The following PIK3C2G variants were observed in gnomAD, a reference collection of about 807,000 sequenced individuals.
PIK3C2G encodes the protein phosphatidylinositol-4-phosphate 3-kinase catalytic subunit type 2 gamma, also known as phosphatidylinositol 3-kinase C2 domain-containing subunit gamma.
In PIK3C2G, 168 loss-of-function variants were observed where a neutral mutation model predicts 181.1. That is an observed-to-expected ratio of 0.93 (90% CI 0.82 to 1.05). The LOEUF (loss-of-function observed/expected upper bound fraction) is 1.05, where lower values mean the gene tolerates loss of function less well. PIK3C2G is among the 50% of genes least tolerant of loss of function. The pLI, the probability that PIK3C2G is intolerant of heterozygous loss-of-function variation, is 0.00. For synonymous variants in PIK3C2G, 573 were observed against 592.2 expected (o/e 0.97, Z 0.47); for missense variants, 1,869 against 1,732.8 (o/e 1.08, Z -1.40).
intron 20 of PIK3C2G, 116 bp from the exon 21 acceptor site, chr12:18,495,946 T>A: frequency 1.9e-6 from 1 of 538,628 alleles, no homozygotes; most frequent in Non-Finnish European, 3.2e-6. Context: ...ATGTGTTACA[T>A]TTGTTCATAC....
At chr12:18,385,410 T>G (rs1943101483) in intron 14 of PIK3C2G, among the ~76,000 whole-genome samples, 1 of 152,114 alleles carries the variant, frequency 6.6e-6, no homozygotes, top group African/African-American at 2.4e-5. Flanking sequence ...AGGCAGATAA[T>G]ACATAAGTTA....
intron 30 of PIK3C2G, among the ~76,000 whole-genome samples, chr12:18,597,247 T>C (rs983816769): frequency 4.6e-5 from 7 of 151,712 alleles, no homozygotes; most frequent in Non-Finnish European, 8.8e-5. Flanking sequence ...AGAAAGATTG[T>C]GCACACTAAT....
the PIK3C2G span, among the ~76,000 whole-genome samples, chr12:18,672,173 T>G: frequency 3.3e-5 from 5 of 152,220 alleles, no homozygotes; most frequent in African/African-American, 9.6e-5. Flanking sequence ...CTTTATAGTT[T>G]CTGACATTTC....
the PIK3C2G span, chr12:18,683,184 T>C: frequency 7.0e-7 from 1 of 1,435,330 alleles, no homozygotes; most frequent in South Asian, 1.1e-5. Context: ...AAGACATTCA[T>C]TTTGGCTGTT....
chr12:18,650,704 GTATATATCTATATATA>G (rs1434473696), downstream of PIK3C2G, among the ~76,000 whole-genome samples: 103 of 57,776 alleles, frequency 1.8e-3, 2 homozygotes, highest in African/African-American at 4.8e-3. Flanking sequence ...GTGTGTGTGT[GTATATATCTATATATA>G]TATATATATA....
chr12:18,579,352 C>T (rs780960280), intron 29 of PIK3C2G, among the ~76,000 whole-genome samples: 3 of 152,106 alleles, frequency 2.0e-5, no homozygotes, highest in Non-Finnish European at 4.4e-5. Flanking sequence ...TTATTATGTG[C>T]CCTTCTAGTA....
Position 18,294,037 on chromosome 12 carries a change from G to T in PIK3C2G, c.1034+22G>T, listed in dbSNP as rs185953660. 256 of 1,142,186 alleles carry T rather than the reference G, an allele frequency of 2.2e-4. No homozygotes were observed. In the Admixed American group the frequency reaches 4.6e-3, roughly 20 times the overall value. 70.8% of individuals were successfully genotyped at this position (1,142,186 alleles called of 1,614,324 possible). ...AAAAGTAAGTATTTTATGAAATTTT[G>T]GTTGTATTATAATCTGTAAATATTA... is the stretch of plus-strand genomic sequence containing the variant. On this transcript the variant is annotated intron_variant, in intron 5 of 32. Coordinates refer to ENST00000538779, the MANE Select transcript of PIK3C2G (RefSeq NM_001288772.2).
At chr12:18,362,701 C>A (rs189799174) in intron 11 of PIK3C2G, 63 bp from the exon 12 acceptor site, 385 of 1,185,732 alleles carry the variant, frequency 3.2e-4, no homozygotes, top group Non-Finnish European at 4.1e-4. Context: ...AATAATTGAC[C>A]CATATAGAAA....
the PIK3C2G span, chr12:18,705,080 C>G: frequency 4.6e-6 from 7 of 1,514,740 alleles, no homozygotes; most frequent in South Asian, 2.3e-5. Context: ...TCATTGGTCT[C>G]TAGCCCAGTT....
the PIK3C2G span, among the ~76,000 whole-genome samples, chr12:18,666,941 G>A: frequency 6.6e-6 from 1 of 152,080 alleles, no homozygotes; most frequent in Non-Finnish European, 1.5e-5. Flanking sequence ...CAGGTTTCAG[G>A]GTTTTAACCA....
chr12:18,617,570 T>C (rs986524188), intron 31 of PIK3C2G, among the ~76,000 whole-genome samples: 5 of 152,188 alleles, frequency 3.3e-5, no homozygotes, highest in African/African-American at 9.6e-5. Context: ...TTCACAATTA[T>C]GAGCCCTTAT....
chr12:18,512,052 C>A (rs990783187), intron 24 of PIK3C2G, among the ~76,000 whole-genome samples: 2 of 151,980 alleles, frequency 1.3e-5, no homozygotes, highest in African/African-American at 4.8e-5. Context: ...TTATCAAACA[C>A]AATTTATTGA....
intron 4 of PIK3C2G, among the ~76,000 whole-genome samples, chr12:18,292,424 A>G (rs965144863): frequency 7.2e-5 from 11 of 151,748 alleles, no homozygotes; most frequent in African/African-American, 2.7e-4. Flanking sequence ...TTGCTTATCT[A>G]AAACAAGTGG....
At chr12:18,699,660 A>G in the PIK3C2G span, 1 of 962,878 alleles carries the variant, frequency 1.0e-6, no homozygotes, top group East Asian at 2.5e-5. Context: ...ATGTAACCCC[A>G]TTCTAAATTA....
At chr12:18,717,457 T>C in the PIK3C2G span, among the ~76,000 whole-genome samples, 1 of 152,218 alleles carries the variant, frequency 6.6e-6, no homozygotes, top group East Asian at 1.9e-4. Flanking sequence ...TTACCTTAAG[T>C]AATGCTATCT....
intron 1 of PIK3C2G, 98 bp downstream of exon 1, chr12:18,261,675 C>T (rs879801513): frequency 2.0e-5 from 3 of 152,226 alleles, no homozygotes; most frequent in Non-Finnish European, 4.4e-5. Flanking sequence ...TTTAATTATA[C>T]TGTGATACAA....
chr12:18,250,587 T>G (rs1050644136), intron 1 of PIK3C2G, among the ~76,000 whole-genome samples: 1 of 152,032 alleles, frequency 6.6e-6, no homozygotes, highest in Non-Finnish European at 1.5e-5. Context: ...ACATCCAAGT[T>G]AACTGCAATT....
At chr12:18,329,583 A>G (rs139142642) in intron 8 of PIK3C2G, among the ~76,000 whole-genome samples, 4 of 151,898 alleles carry the variant, frequency 2.6e-5, no homozygotes, top group African/African-American at 9.7e-5. Flanking sequence ...AGATTTATCC[A>G]CCTTTTTCCA....
chr12:18,615,371 A>G (rs55791942), intron 31 of PIK3C2G, among the ~76,000 whole-genome samples: 4,517 of 98,616 alleles, frequency 0.046, 77 homozygotes, highest in Middle Eastern at 0.063. Context: ...GTGTGTGTGT[A>G]TGTGTATATA....
Sources: allele counts gnomAD v4.1 joint callset (sites outside exome capture counted in the v4.1 genomes callset), GRCh38; gene constraint gnomAD v4.1.1; transcripts MANE v1.5; gene names NCBI Gene and HGNC (gene_info 2026-07-23, HGNC 2026-07-21).